The following MYO5A variants were observed in gnomAD, a reference collection of about 807,000 sequenced individuals.
The protein encoded by MYO5A is myosin VA.
In MYO5A, 98 loss-of-function variants were observed where a neutral mutation model predicts 249.7. That is an observed-to-expected ratio of 0.39 (90% CI 0.33 to 0.46). The LOEUF (loss-of-function observed/expected upper bound fraction) is 0.46, where lower values mean the gene tolerates loss of function less well. Ranked by LOEUF, MYO5A falls within the 20% of genes least tolerant of loss-of-function variation. The pLI, the probability that MYO5A is intolerant of heterozygous loss-of-function variation, is 0.98. For synonymous variants in MYO5A, 778 were observed against 810.6 expected (o/e 0.96, Z 0.68); for missense variants, 1,696 against 2,308.8 (o/e 0.73, Z 5.44).
intron 38 of MYO5A, among the ~76,000 whole-genome samples, chr15:52,320,183 G>A (rs546005287): frequency 3.3e-5 from 5 of 152,264 alleles, no homozygotes; most frequent in Non-Finnish European, 4.4e-5. Context: ...CCTGTGGCCC[G>A]GCTGCTTCCC....
At chr15:52,412,666 A>G (rs966963704) in intron 5 of MYO5A, among the ~76,000 whole-genome samples, 1 of 152,202 alleles carries the variant, frequency 6.6e-6, no homozygotes, top group African/African-American at 2.4e-5. Flanking sequence ...CCTCTGCCAT[A>G]TAAGCACTGT....
intron 34 of MYO5A, among the ~76,000 whole-genome samples, chr15:52,334,268 T>C (rs955134151): frequency 3.9e-5 from 6 of 152,230 alleles, no homozygotes. Flanking sequence ...TTTACTAAAG[T>C]ATGGCAAAGG....
intron 22 of MYO5A, 93 bp from the exon 23 acceptor site, chr15:52,367,217 C>A: frequency 9.3e-7 from 1 of 1,070,286 alleles, no homozygotes; most frequent in South Asian, 1.3e-5. Context: ...TTCCTTACTT[C>A]CACCACCTCT....
chr15:52,505,169 T>G (rs754561118), intron 1 of MYO5A: 6 of 746,762 alleles, frequency 8.0e-6, no homozygotes, highest in African/African-American at 1.7e-5. Flanking sequence ...CATGGAGAAC[T>G]CTCAGATACA....
intron 1 of MYO5A, among the ~76,000 whole-genome samples, chr15:52,478,596 A>G (rs1391453556): frequency 6.6e-6 from 1 of 152,234 alleles, no homozygotes; most frequent in Non-Finnish European, 1.5e-5. Flanking sequence ...ACCTCTTTCT[A>G]AAATTATCAA....
At position 52,359,962 on chromosome 15, in the gene MYO5A, C is replaced by G. The variant is rs779381602; in HGVS notation, c.3423+6G>C. 1.3e-6 allele frequency: 2 copies of G among 1,579,832 alleles called. No individual in the cohort carries two copies. The highest frequency in any genetic ancestry group is 2.7e-5 in the African/African-American group (2 of 73,934). ...CTACTTTCAGTGACAGATGTCTAAA[C>G]TGTACCTCTGTCCTTGATGGAATGT... On this transcript the variant is annotated splice_donor_region_variant and intron_variant, in intron 25 of 41. Transcript: ENST00000399233.
chr15:52,455,681 C>T (rs909638270), intron 1 of MYO5A, among the ~76,000 whole-genome samples: 1 of 151,780 alleles, frequency 6.6e-6, no homozygotes, highest in Non-Finnish European at 1.5e-5. Flanking sequence ...AAATGTAATA[C>T]ATCACATTAA....
Position 52,319,155 on chromosome 15 carries a change from C to G in MYO5A, c.5139G>C (p.Val1713=). The change falls in exon 39 of 42, where the codon GTG becomes GTC. Residue 1713 remains valine, a synonymous_variant. Coordinates refer to ENST00000399233, the MANE Select transcript of MYO5A (RefSeq NM_001382347.1). ...CTATGATGTAGAACATCTGCTTGACCACCTGCTTGATCAGTTCAGGGTCCA... is the reference window on the plus strand; with the variant it reads ...CTATGATGTAGAACATCTGCTTGACGACCTGCTTGATCAGTTCAGGGTCCA... The part of the protein sequence containing the change: ...HGMDPELIKQ[V]VKQMFYIIGA... 1 of 1,614,176 alleles carries G rather than the reference C, an allele frequency of 6.2e-7. No homozygotes were observed. Among genetic ancestry groups the G allele is most frequent in the Non-Finnish European group, 8.5e-7 (1 of 1,180,026 alleles).
intron 1 of MYO5A, among the ~76,000 whole-genome samples, chr15:52,488,103 A>G (rs1249442130): frequency 6.6e-6 from 1 of 151,990 alleles, no homozygotes; most frequent in Non-Finnish European, 1.5e-5. Context: ...TTACTAAATT[A>G]TCTAGGGTGA....
chr15:52,454,283 A>G (rs927087015), intron 1 of MYO5A, among the ~76,000 whole-genome samples: 1 of 152,168 alleles, frequency 6.6e-6, no homozygotes. Flanking sequence ...TCACTATATA[A>G]TGATAAAGGG....
At chr15:52,345,426 A>C (rs2039572616) in intron 30 of MYO5A, among the ~76,000 whole-genome samples, 2 of 152,068 alleles carry the variant, frequency 1.3e-5, no homozygotes, top group African/African-American at 4.8e-5. Context: ...TACTAAAAAA[A>C]ATACAAAAAT....
chr15:52,489,706 C>T (rs2076897468), intron 1 of MYO5A, among the ~76,000 whole-genome samples: 1 of 151,734 alleles, frequency 6.6e-6, no homozygotes, highest in African/African-American at 2.4e-5. Flanking sequence ...AATTCTACAA[C>T]TCAGCTGTGC....
At chr15:52,339,479 T>C (rs2039280415) in intron 32 of MYO5A, among the ~76,000 whole-genome samples, 1 of 151,008 alleles carries the variant, frequency 6.6e-6, no homozygotes, top group African/African-American at 2.4e-5. Context: ...TAATAAAAGT[T>C]ATTATGTGAC....
intron 1 of MYO5A, among the ~76,000 whole-genome samples, chr15:52,493,926 G>A (rs541743155): frequency 2.4e-4 from 37 of 152,086 alleles, no homozygotes; most frequent in Non-Finnish European, 3.7e-4. Context: ...AAAATATTAC[G>A]AAACCATATT....
chr15:52,417,114 T>C (rs62023267), intron 4 of MYO5A, among the ~76,000 whole-genome samples: 73,722 of 152,130 alleles, frequency 0.48, 21,137 homozygotes, highest in Non-Finnish European at 0.63. Context: ...TATCTACTTA[T>C]AAATTAAAAA....
chr15:52,418,344 C>A (rs1250757938), intron 4 of MYO5A, among the ~76,000 whole-genome samples: 1 of 152,140 alleles, frequency 6.6e-6, no homozygotes, highest in Non-Finnish European at 1.5e-5. Context: ...TTCATTCGTT[C>A]ATTTAACAAA....
chr15:52,528,670 C>A, intron 1 of MYO5A, 110 bp downstream of exon 1: 1 of 1,274,312 alleles, frequency 7.8e-7, no homozygotes, highest in South Asian at 1.5e-5. Flanking sequence ...AAGGGGATGG[C>A]GCTGGTGGGG....
intron 26 of MYO5A, 63 bp from the exon 27 acceptor site, chr15:52,353,721 G>A (rs1400597662): frequency 1.3e-6 from 2 of 1,585,748 alleles, no homozygotes; most frequent in Non-Finnish European, 1.7e-6. Context: ...ATATTTACTT[G>A]CTCTACCGAA....
Position 52,317,197 on chromosome 15 carries a change from A to C in MYO5A, c.5260T>G (p.Trp1754Gly), listed in dbSNP as rs2038064822. Residue 1754 changes from tryptophan to glycine, a missense_variant, in exon 40 of 42, where the codon TGG becomes GGG. Trp to Gly is a radical substitution (Grantham distance 184, BLOSUM62 -2). This residue lies in a region of MYO5A where 625 missense variants were observed against 908.1 expected (regional missense o/e 0.69). Coordinates refer to ENST00000399233, the MANE Select transcript of MYO5A (RefSeq NM_001382347.1). ...IRYNVSQLEEWLRDKNLMNSG... is the reference protein window; with the variant it reads ...IRYNVSQLEEGLRDKNLMNSG... ...TTCATCAGATTCTTGTCACGCAGCC[A>C]TTCTTCCAGTTGACTGACATTGTAC... 6.2e-7 allele frequency: 1 copy of C among 1,614,060 alleles called. No individual in the cohort carries two copies.
Sources: allele counts gnomAD v4.1 joint callset (sites outside exome capture counted in the v4.1 genomes callset), GRCh38; gene constraint gnomAD v4.1.1; regional missense constraint gnomAD v4.1.1; transcripts MANE v1.5; gene names NCBI Gene and HGNC (gene_info 2026-07-23, HGNC 2026-07-21).